Variants in PLCXD3 observed in about 807,000 individuals in gnomAD.
PLCXD3 encodes the protein PI-PLC X domain-containing protein 3.
In PLCXD3, 19 loss-of-function variants were observed where a neutral mutation model predicts 25.5. The observed-to-expected ratio is 0.75, with a 90% CI of 0.52 to 1.09. The LOEUF is 1.09. PLCXD3 is among the 50% of genes least tolerant of loss of function. PLCXD3 has a pLI of 0.00. For missense variants in PLCXD3, 411 were observed against 388.1 expected, an observed-to-expected ratio of 1.06 and a Z score of -0.50; for synonymous variants, 174 against 137.6, an observed-to-expected ratio of 1.26 and a Z score of -1.85.
intron 1 of PLCXD3, among the ~76,000 whole-genome samples, chr5:41,436,388 C>T (rs531579440): frequency 6.6e-6 from 1 of 152,204 alleles, no homozygotes; most frequent in Admixed American, 6.5e-5. Flanking sequence ...TTGCAAGTTA[C>T]TTAATGTCTC....
At chr5:41,412,057 A>G (rs1746561213) in intron 1 of PLCXD3, among the ~76,000 whole-genome samples, 1 of 151,822 alleles carries the variant, frequency 6.6e-6, no homozygotes, top group Non-Finnish European at 1.5e-5. Flanking sequence ...CACATTTCTA[A>G]CAATTGTTTT....
At chr5:41,414,559 C>G (rs1362776333) in intron 1 of PLCXD3, among the ~76,000 whole-genome samples, 1 of 152,144 alleles carries the variant, frequency 6.6e-6, no homozygotes, top group Admixed American at 6.5e-5. Flanking sequence ...ATTTGTGTGT[C>G]TCTAATATCT....
intron 2 of PLCXD3, among the ~76,000 whole-genome samples, chr5:41,326,375 A>T (rs1011551861): frequency 6.6e-6 from 1 of 152,106 alleles, no homozygotes; most frequent in Non-Finnish European, 1.5e-5. Context: ...TTTGAGCATT[A>T]TTATTCCTCT....
chr5:41,369,781 C>G (rs1470469478), intron 2 of PLCXD3, among the ~76,000 whole-genome samples: 1 of 152,120 alleles, frequency 6.6e-6, no homozygotes, highest in Non-Finnish European at 1.5e-5. Flanking sequence ...GACCAGCCAA[C>G]TAATAGCTTT....
intron 2 of PLCXD3, among the ~76,000 whole-genome samples, chr5:41,368,276 T>C (rs1481716114): frequency 6.6e-6 from 1 of 152,200 alleles, no homozygotes; most frequent in East Asian, 1.9e-4. Flanking sequence ...CAGTCATAAT[T>C]TGGCTCTATA....
intron 2 of PLCXD3, among the ~76,000 whole-genome samples, chr5:41,332,724 GA>G (rs1376627337): frequency 2.6e-5 from 4 of 152,250 alleles, no homozygotes; most frequent in South Asian, 2.1e-4. Context: ...ACTGGATTAA[GA>G]AAATGTGGCA....
Position 41,308,339 on chromosome 5 carries a change from C to G in PLCXD3, c.*5278G>C, listed in dbSNP as rs1453235113. On this transcript the variant is annotated 3_prime_UTR_variant, in exon 3 of 3. Transcript: ENST00000377801. The stretch of plus-strand genomic sequence containing the variant: ...ATATGAGAAATATGCTAAAGAAATA[C>G]TGTTTATCTGAAATTTAAATTTCAC... 6.6e-6 allele frequency: 1 copy of G among 152,042 alleles called. No homozygotes were observed. Among genetic ancestry groups the G allele is most frequent in the Non-Finnish European group, 1.5e-5 (1 of 68,000 alleles). The allele number at this position is 152,042 out of a possible 1,614,324, so 9.4% of individuals were successfully genotyped here.
chr5:41,374,335 A>G (rs1186478865), intron 2 of PLCXD3, among the ~76,000 whole-genome samples: 1 of 152,140 alleles, frequency 6.6e-6, no homozygotes, highest in African/African-American at 2.4e-5. Flanking sequence ...GCCAAGTCCT[A>G]GGCTGGGAAA....
At chr5:41,330,630 G>T (rs1017378267) in intron 2 of PLCXD3, among the ~76,000 whole-genome samples, 8 of 152,094 alleles carry the variant, frequency 5.3e-5, no homozygotes, top group African/African-American at 1.9e-4. Flanking sequence ...AAGCTGGGCC[G>T]AAACACAACC....
chr5:41,428,808 T>C (rs1218686481), intron 1 of PLCXD3, among the ~76,000 whole-genome samples: 3 of 152,158 alleles, frequency 2.0e-5, no homozygotes, highest in Non-Finnish European at 2.9e-5. Flanking sequence ...TAGAGACGCT[T>C]CATGCACTGT....
At chr5:41,315,141 A>G (rs11740787) in intron 2 of PLCXD3, among the ~76,000 whole-genome samples, 15,327 of 152,168 alleles carry the variant, frequency 0.1, 1,094 homozygotes, top group East Asian at 0.35. Flanking sequence ...GTTAATGATG[A>G]TGTCCAGCAT....
At chr5:41,441,324 G>A (rs903987275) in intron 1 of PLCXD3, among the ~76,000 whole-genome samples, 1 of 152,162 alleles carries the variant, frequency 6.6e-6, no homozygotes, top group Non-Finnish European at 1.5e-5. Flanking sequence ...ACTGAGATGC[G>A]ACTCTAACAG....
In PLCXD3 at chr5:41,313,577, G is replaced by A; in HGVS notation, c.*40C>T. The A allele has an allele frequency of 2.0e-5, 32 of 1,610,710 alleles. No homozygotes were observed. Among genetic ancestry groups the A allele is most frequent in the Non-Finnish European group, 2.6e-5 (31 of 1,177,160 alleles). On this transcript the variant is annotated 3_prime_UTR_variant, in exon 3 of 3. Transcript: ENST00000377801. ...CAGATAGTATGCCCTAATACAATGAGCTTTCTCCATCTTATTCATGGAAAC... is the reference window on the plus strand; with the variant it reads ...CAGATAGTATGCCCTAATACAATGAACTTTCTCCATCTTATTCATGGAAAC...
At chr5:41,331,120 C>A (rs1291417050) in intron 2 of PLCXD3, among the ~76,000 whole-genome samples, 2 of 152,172 alleles carry the variant, frequency 1.3e-5, no homozygotes, top group East Asian at 1.9e-4. Flanking sequence ...AGAAGGAAAT[C>A]AAGGGTATTC....
chr5:41,330,784 G>A (rs1270223621), intron 2 of PLCXD3, among the ~76,000 whole-genome samples: 1 of 152,066 alleles, frequency 6.6e-6, no homozygotes. Context: ...TGCAAGGCTG[G>A]TTCAATATAT....
At chr5:41,506,842 A>G (rs1488605065) in intron 1 of PLCXD3, among the ~76,000 whole-genome samples, 1 of 152,212 alleles carries the variant, frequency 6.6e-6, no homozygotes, top group African/African-American at 2.4e-5. Context: ...TTCCTTATCT[A>G]AAAAGTACAG....
chr5:41,438,193 G>A (rs1747300129), intron 1 of PLCXD3, among the ~76,000 whole-genome samples: 1 of 152,130 alleles, frequency 6.6e-6, no homozygotes, highest in South Asian at 2.1e-4. Flanking sequence ...ACTTATGTGA[G>A]AAGAAAATTA....
chr5:41,314,879 A>G (rs1743243908), intron 2 of PLCXD3, among the ~76,000 whole-genome samples: 1 of 152,178 alleles, frequency 6.6e-6, no homozygotes, highest in Non-Finnish European at 1.5e-5. Context: ...ATTCATCACC[A>G]TGAGATCATA....
At chr5:41,494,665 T>A (rs1748796760) in intron 1 of PLCXD3, among the ~76,000 whole-genome samples, 1 of 152,152 alleles carries the variant, frequency 6.6e-6, no homozygotes, top group Non-Finnish European at 1.5e-5. Context: ...CAAATGCATA[T>A]GATGGGAAGG....
Sources: allele counts gnomAD v4.1 joint callset (sites outside exome capture counted in the v4.1 genomes callset), GRCh38; gene constraint gnomAD v4.1.1; transcripts MANE v1.5; gene names NCBI Gene and HGNC (gene_info 2026-07-23, HGNC 2026-07-21).